CNOT6L: variants seen among roughly 807,000 people sequenced by gnomAD.
CNOT6L encodes the protein CCR4-NOT transcription complex subunit 6 like.
A neutral mutation model predicts 64.0 loss-of-function variants in CNOT6L; 7 were observed. The observed-to-expected ratio is 0.11, with a 90% confidence interval of 0.06 to 0.21. CNOT6L has a LOEUF of 0.21. Ranked by LOEUF, CNOT6L falls within the 10% of genes least tolerant of loss-of-function variation. The pLI is 1.00. For missense variants in CNOT6L, 245 were observed against 669.0 expected (o/e 0.37, Z 6.99); for synonymous variants, 193 against 243.4 (o/e 0.79, Z 1.93).
In CNOT6L at chr4:77,719,540, A is replaced by T. The variant is rs1721077013; in HGVS notation, c.*891T>A. ...TTAACATTTGACTATAATGGCAAAAATGACATAGGTCATATAACATCTGTT... is the reference window on the plus strand; with the variant it reads ...TTAACATTTGACTATAATGGCAAAATTGACATAGGTCATATAACATCTGTT... On this transcript the variant is annotated 3_prime_UTR_variant, in exon 12 of 12. Transcript: ENST00000504123. 1 of 152,638 alleles carries T rather than the reference A, an allele frequency of 6.6e-6. No homozygotes were observed. Among genetic ancestry groups the T allele is most frequent in the Non-Finnish European group, 1.5e-5 (1 of 68,032 alleles). The allele number at this position is 152,638 out of a possible 1,614,324, so 9.5% of individuals were successfully genotyped here.
intron 1 of CNOT6L, among the ~76,000 whole-genome samples, chr4:77,790,597 A>G (rs1730015245): frequency 6.6e-6 from 1 of 152,194 alleles, no homozygotes; most frequent in African/African-American, 2.4e-5. Context: ...GGATCTGGCC[A>G]TTCTAAAAGG....
chr4:77,800,170 T>C (rs565431620), intron 1 of CNOT6L, among the ~76,000 whole-genome samples: 52 of 152,266 alleles, frequency 3.4e-4, no homozygotes, highest in African/African-American at 1.2e-3. Flanking sequence ...CTAATTACTT[T>C]AGCTTTTCTA....
intron 1 of CNOT6L, among the ~76,000 whole-genome samples, chr4:77,810,329 T>A (rs1450543361): frequency 6.6e-6 from 1 of 152,198 alleles, no homozygotes; most frequent in East Asian, 1.9e-4. Flanking sequence ...CAAAGTTTCA[T>A]ATGAAATTTG....
chr4:77,801,972 CATTT>C (rs1471606925), intron 1 of CNOT6L, among the ~76,000 whole-genome samples: 1 of 152,160 alleles, frequency 6.6e-6, no homozygotes, highest in Non-Finnish European at 1.5e-5. Flanking sequence ...ATGTTGTAAA[CATTT>C]ATTTCCCATT....
chr4:77,814,054 T>C (rs1276159938), intron 1 of CNOT6L, among the ~76,000 whole-genome samples: 1 of 152,200 alleles, frequency 6.6e-6, no homozygotes, highest in Non-Finnish European at 1.5e-5. Context: ...ATTCAGCCAT[T>C]ACAAGAATGA....
intron 4 of CNOT6L, among the ~76,000 whole-genome samples, chr4:77,760,948 C>T (rs1177311068): frequency 7.2e-6 from 1 of 139,058 alleles, no homozygotes; most frequent in Non-Finnish European, 1.5e-5. Context: ...GATCTCCTGA[C>T]CTCGTCATCT....
At chr4:77,757,691 T>C (rs970067488) in intron 4 of CNOT6L, among the ~76,000 whole-genome samples, 27 of 152,126 alleles carry the variant, frequency 1.8e-4, no homozygotes, top group African/African-American at 6.0e-4. Context: ...ATGCAACACA[T>C]ACCCACCAGC....
chr4:77,803,920 G>A (rs1174125039), intron 1 of CNOT6L, among the ~76,000 whole-genome samples: 3 of 151,556 alleles, frequency 2.0e-5, no homozygotes, highest in Non-Finnish European at 4.4e-5. Flanking sequence ...AAAGAAAAAA[G>A]CGTGAGGTGT....
intron 5 of CNOT6L, among the ~76,000 whole-genome samples, chr4:77,754,913 A>AAAAAAAAAAAAC (rs397994114): frequency 7.0e-6 from 1 of 143,680 alleles, no homozygotes; most frequent in African/African-American, 2.6e-5. Flanking sequence ...AAAAAAAAAA[A>AAAAAAAAAAAAC]CCGGTTTCTA....
At chr4:77,782,431 G>A (rs1728964528) in intron 1 of CNOT6L, among the ~76,000 whole-genome samples, 1 of 152,012 alleles carries the variant, frequency 6.6e-6, no homozygotes, top group African/African-American at 2.4e-5. Flanking sequence ...ATCCTAGGAT[G>A]AAGTGGTCCT....
intron 8 of CNOT6L, among the ~76,000 whole-genome samples, chr4:77,733,572 C>G (rs1722659402): frequency 6.6e-6 from 1 of 151,932 alleles, no homozygotes; most frequent in Non-Finnish European, 1.5e-5. Flanking sequence ...TTACAGGAAC[C>G]TAGGATTCTG....
In CNOT6L at chr4:77,715,228, G is replaced by A. The variant is rs969172849; in HGVS notation, c.*5203C>T. The A allele has an allele frequency of 2.6e-5, 4 of 152,072 alleles. No individual in the cohort carries two copies. Among genetic ancestry groups the A allele is most frequent in the Admixed American group, 2.0e-4 (3 of 15,252 alleles). The allele number at this position is 152,072 out of a possible 1,614,324, so 9.4% of individuals were successfully genotyped here. ...AGATTCTGAAAGCTGAATGGACCAT[G>A]CTACCACCATGCCAAAAGAGTCATA... On this transcript the variant is annotated 3_prime_UTR_variant, in exon 12 of 12. Transcript: ENST00000504123.
At chr4:77,737,795 GTTA>G (rs1723144372) in intron 8 of CNOT6L, among the ~76,000 whole-genome samples, 1 of 152,054 alleles carries the variant, frequency 6.6e-6, no homozygotes, top group Non-Finnish European at 1.5e-5. Context: ...AAGTGGAACA[GTTA>G]TTATCTATAT....
chr4:77,782,264 T>C (rs548984460), intron 1 of CNOT6L, among the ~76,000 whole-genome samples: 1 of 152,350 alleles, frequency 6.6e-6, no homozygotes, highest in East Asian at 1.9e-4. Flanking sequence ...TGTGTTTATC[T>C]TGCTTAACAA....
At chr4:77,813,958 G>A (rs1000948136) in intron 1 of CNOT6L, among the ~76,000 whole-genome samples, 4 of 152,160 alleles carry the variant, frequency 2.6e-5, no homozygotes, top group East Asian at 1.9e-4. Context: ...TGTTCACAGC[G>A]GCATGATTTA....
In CNOT6L at chr4:77,714,654, G is replaced by GTGTT. The variant is rs919915882; in HGVS notation, c.*5773_*5776dup. 6 of 152,594 alleles carry GTGTT rather than the reference G, an allele frequency of 3.9e-5. No homozygotes were observed. Among genetic ancestry groups the GTGTT allele is most frequent in the African/African-American group, 1.4e-4 (6 of 41,526 alleles). The allele number at this position is 152,594 out of a possible 1,614,324, so 9.5% of individuals were successfully genotyped here. A position where few individuals can be genotyped will look rare whatever the true frequency, so the allele number is the denominator to read the frequency against. On this transcript the variant is annotated 3_prime_UTR_variant, in exon 12 of 12. Transcript: ENST00000504123. ...CATAGTGCACATCTCAGTGCTGCTG[G>GTGTT]TGTTTAAGAAATTTGTCACTCATAA...
intron 11 of CNOT6L, among the ~76,000 whole-genome samples, chr4:77,722,572 T>TA (rs1174268518): frequency 1.3e-5 from 2 of 152,114 alleles, no homozygotes; most frequent in Non-Finnish European, 2.9e-5. Context: ...ACAACCTTAT[T>TA]AGAGTGCCGT....
At chr4:77,758,409 G>C (rs1725807836) in intron 4 of CNOT6L, among the ~76,000 whole-genome samples, 1 of 152,120 alleles carries the variant, frequency 6.6e-6, no homozygotes, top group Non-Finnish European at 1.5e-5. Flanking sequence ...GAGTCACAAA[G>C]ATGGAAAACA....
chr4:77,727,562 CAAAAAAAAAAAAAAAAAAAA>C (rs55848621), intron 10 of CNOT6L, among the ~76,000 whole-genome samples: 2 of 84,588 alleles, frequency 2.4e-5, no homozygotes, highest in Non-Finnish European at 4.4e-5. Context: ...AACTCTGTCT[CAAAAAAAAAAAAAAAAAAAA>C]AAAAAAAAAA....
Sources: gnomAD v4.1 joint callset for allele counts (sites outside exome capture counted in the v4.1 genomes callset) on GRCh38, gnomAD v4.1.1 for gene constraint, MANE v1.5 for transcripts, NCBI Gene and HGNC (gene_info 2026-07-23, HGNC 2026-07-21) for gene names.